Variants in MPDZ observed in about 807,000 individuals in gnomAD.
The protein encoded by MPDZ is multiple PDZ domain protein.
Under a neutral mutation model 239.1 loss-of-function variants are expected in MPDZ, and 234 were observed. That is an observed-to-expected ratio of 0.98 (90% CI 0.88 to 1.09). The LOEUF (loss-of-function observed/expected upper bound fraction) is 1.09. Ranked by LOEUF, MPDZ falls within the 50% of genes least tolerant of loss-of-function variation. The probability of loss-of-function intolerance (pLI) is 0.00; values close to 1 mark genes in which losing one functional copy is unlikely to be tolerated. For synonymous variants in MPDZ, 1,048 were observed against 881.3 expected (o/e 1.19, Z -3.35); for missense variants, 3,175 against 2,510.0 (o/e 1.26, Z -5.66).
chr9:13,134,896 T>TTC (rs1198698061), intron 31 of MPDZ: 3 of 152,400 alleles, frequency 2.0e-5, no homozygotes, highest in African/African-American at 7.2e-5. Flanking sequence ...GCCCTCCTGG[T>TTC]TCTTCATAGT....
At chr9:13,143,985 G>C (rs1448095474) in intron 26 of MPDZ, among the ~76,000 whole-genome samples, 1 of 151,754 alleles carries the variant, frequency 6.6e-6, no homozygotes, top group East Asian at 1.9e-4. Flanking sequence ...AATCTGTCTA[G>C]AATGCAAATT....
At chr9:13,244,708 G>C (rs1200972594) in intron 3 of MPDZ, among the ~76,000 whole-genome samples, 1 of 152,072 alleles carries the variant, frequency 6.6e-6, no homozygotes, top group Non-Finnish European at 1.5e-5. Context: ...TGATTTCTAA[G>C]GGCAGTCTTA....
chr9:13,276,384 C>T (rs1445485297), intron 1 of MPDZ, among the ~76,000 whole-genome samples: 5 of 152,068 alleles, frequency 3.3e-5, no homozygotes, highest in Non-Finnish European at 5.9e-5. Context: ...ATATCATTTC[C>T]GAACTGTACT....
chr9:13,140,183 C>T (rs1217695436), intron 27 of MPDZ, 34 bp from the exon 28 acceptor site: 2 of 1,605,556 alleles, frequency 1.2e-6, no homozygotes, highest in South Asian at 2.2e-5. Flanking sequence ...TGGGTTTGTA[C>T]AGTCTAAGGA....
chr9:13,133,390 C>T (rs902714525), intron 32 of MPDZ, among the ~76,000 whole-genome samples: 6 of 152,260 alleles, frequency 3.9e-5, no homozygotes, highest in East Asian at 3.9e-4. Flanking sequence ...AGGCAATCAT[C>T]GGAGCCGAAA....
At position 13,125,292 on chromosome 9, in the gene MPDZ, G is replaced by A. The variant is rs751687320; in HGVS notation, c.4731C>T (p.Ala1577=). ...GGGAGCTGTTCTTTTTTTCTCCACT[G>A]GCTGCACCAGCTGCTGAAGGAACAG... ...SQAVPSAAGA[A]SGEKKNSSQS... is the part of the protein sequence containing the mutation. The change falls in exon 35 of 47, where the codon GCC becomes GCT. Residue 1577 remains alanine, a synonymous_variant. Transcript: ENST00000319217. The A allele has an allele frequency of 2.5e-6, 4 of 1,613,624 alleles. No homozygotes were observed. The highest frequency in any genetic ancestry group is 3.4e-6 in the Non-Finnish European group (4 of 1,179,654).
intron 10 of MPDZ, among the ~76,000 whole-genome samples, chr9:13,214,099 T>C (rs968544195): frequency 6.6e-6 from 1 of 152,028 alleles, no homozygotes; most frequent in Non-Finnish European, 1.5e-5. Context: ...AAAACATATA[T>C]GTACATAAAA....
intron 23 of MPDZ, among the ~76,000 whole-genome samples, chr9:13,161,667 T>G (rs534641562): frequency 1.1e-4 from 16 of 152,198 alleles, no homozygotes; most frequent in Non-Finnish European, 1.0e-4. Flanking sequence ...AGAAATTTGG[T>G]AGTCAGTTGC....
chr9:13,158,882 A>G (rs1489690810), intron 23 of MPDZ, among the ~76,000 whole-genome samples: 2 of 152,202 alleles, frequency 1.3e-5, no homozygotes, highest in Non-Finnish European at 2.9e-5. Flanking sequence ...AATGAGGCTG[A>G]GAGGACAATA....
intron 3 of MPDZ, among the ~76,000 whole-genome samples, chr9:13,232,565 G>C (rs1962800739): frequency 1.3e-5 from 2 of 151,530 alleles, no homozygotes; most frequent in African/African-American, 4.8e-5. Flanking sequence ...CTTTAATAAA[G>C]CTTCTGAGAG....
At chr9:13,151,147 C>A (rs1949118165) in intron 24 of MPDZ, among the ~76,000 whole-genome samples, 1 of 152,002 alleles carries the variant, frequency 6.6e-6, no homozygotes. Context: ...TAAAAACACA[C>A]ACACACACAC....
intron 3 of MPDZ, among the ~76,000 whole-genome samples, chr9:13,231,642 A>C (rs964671475): frequency 1.4e-4 from 21 of 152,136 alleles, no homozygotes; most frequent in African/African-American, 4.6e-4. Flanking sequence ...AAATAAAACA[A>C]GAACAGGTTT....
In MPDZ at chr9:13,200,198, T is replaced by C. The variant is rs150838436; in HGVS notation, c.1547-3968A>G. ...TCGGTAGACTGTAAGTGTCCAGGAA[T>C]TTACCCATTTCTTCTGGGTTTTCTA... On this transcript the variant is annotated intron_variant, in intron 12 of 46. Transcript: ENST00000319217. Among the ~76,000 whole-genome samples the C allele has an allele frequency of 2.8e-4, 42 of 152,144 alleles. No individual in the cohort carries two copies. The East Asian group carries it at 4.1e-3, about 15-fold the overall frequency.
Position 13,176,378 on chromosome 9 carries a change from G to A in MPDZ, c.2689C>T (p.His897Tyr). 1 of 1,603,062 alleles carries A rather than the reference G, an allele frequency of 6.2e-7. No homozygotes were observed. The highest frequency in any genetic ancestry group is 8.5e-7 in the Non-Finnish European group (1 of 1,174,370). ...GTATATAGTTCCTCCAGAGACATAT[G>A]CAGATCAAGTACTGGATCACAAGAA... ...ENSCDPVLDL[H>Y]MSLEELYTQN... The change falls in exon 20 of 47, where the codon CAT (histidine) becomes TAT (tyrosine). Residue 897 changes from histidine to tyrosine, a missense_variant. Transcript: ENST00000319217.
chr9:13,231,541 G>C (rs539159942), intron 3 of MPDZ, among the ~76,000 whole-genome samples: 3 of 152,102 alleles, frequency 2.0e-5, no homozygotes, highest in Admixed American at 6.6e-5. Flanking sequence ...GGGTGACAAA[G>C]AGCAACTCTA....
At position 13,191,117 on chromosome 9, in the gene MPDZ, T is replaced by C. The variant is rs186124968; in HGVS notation, c.1969-818A>G. ...CACAGCCTAGGACCACAGATACAAA[T>C]GACACCCATTTGCTTTATTGTAATA... is the stretch of plus-strand genomic sequence containing the variant. On this transcript the variant is annotated intron_variant, in intron 15 of 46. Transcript: ENST00000319217. Among the ~76,000 whole-genome samples, 162 of 152,224 alleles carry C rather than the reference T, an allele frequency of 1.1e-3. 1 individual carries two copies. The highest frequency in any genetic ancestry group is 3.7e-3 in the African/African-American group (154 of 41,556).
At chr9:13,198,066 G>C (rs1416499997) in intron 12 of MPDZ, among the ~76,000 whole-genome samples, 2 of 152,084 alleles carry the variant, frequency 1.3e-5, no homozygotes, top group Non-Finnish European at 2.9e-5. Flanking sequence ...TAGGGGTACG[G>C]ATATCTCTTT....
At chr9:13,242,921 A>C (rs184232263) in intron 3 of MPDZ, among the ~76,000 whole-genome samples, 1 of 152,330 alleles carries the variant, frequency 6.6e-6, no homozygotes, top group African/African-American at 2.4e-5. Context: ...CAGTCACGAC[A>C]GTAAGAACTA....
At chr9:13,192,633 T>A (rs1295119230) in intron 14 of MPDZ, among the ~76,000 whole-genome samples, 1 of 151,994 alleles carries the variant, frequency 6.6e-6, no homozygotes, top group Non-Finnish European at 1.5e-5. Flanking sequence ...ACATTTTGTA[T>A]AATTATAAAG....
Sources: allele counts gnomAD v4.1 joint callset (sites outside exome capture counted in the v4.1 genomes callset), GRCh38; gene constraint gnomAD v4.1.1; transcripts MANE v1.5; gene names NCBI Gene and HGNC (gene_info 2026-07-23, HGNC 2026-07-21).